BAZ2B: variants seen among roughly 807,000 people sequenced by gnomAD.
The protein encoded by BAZ2B is bromodomain adjacent to zinc finger domain 2B, also known as bromodomain adjacent to zinc finger domain protein 2B.
In BAZ2B, 91 loss-of-function variants were observed where a neutral mutation model predicts 246.0. The observed-to-expected ratio is 0.37, with a 90% CI of 0.31 to 0.44. The LOEUF (loss-of-function observed/expected upper bound fraction) is 0.44. BAZ2B is among the 20% of genes least tolerant of loss of function. The pLI, the probability that BAZ2B is intolerant of heterozygous loss-of-function variation, is 1.00. For missense variants in BAZ2B, 2,332 were observed against 2,533.7 expected, an observed-to-expected ratio of 0.92 and a Z score of 1.71; for synonymous variants, 855 against 860.0, an observed-to-expected ratio of 0.99 and a Z score of 0.10.
rs1558979342 is a variant in BAZ2B at position 159,332,594 on chromosome 2, G to C, written c.5889C>G (p.Pro1963=). Reference sequence around the variant, plus strand: ...CTCCATCTGGGATTGTTGTAATCTTGGGTCTATGGCAGTAGGTATGACAGC... The same window carrying C: ...CTCCATCTGGGATTGTTGTAATCTTCGGTCTATGGCAGTAGGTATGACAGC... The part of the protein sequence containing the change: ...DKGCHTYCHR[P]KITTIPDGDW... Residue 1963 remains proline, a synonymous_variant, in exon 34 of 37, where the codon CCC becomes CCG. Transcript: ENST00000392783. 1.2e-6 allele frequency: 2 copies of C among 1,614,042 alleles called. No homozygotes were observed.
At chr2:159,494,412 TTAC>T (rs1417783811) in intron 2 of BAZ2B, among the ~76,000 whole-genome samples, 7 of 152,186 alleles carry the variant, frequency 4.6e-5, no homozygotes, top group Non-Finnish European at 8.8e-5. Flanking sequence ...ATTAAAATGA[TTAC>T]TACTATATAA....
rs773974307 is a variant in BAZ2B at position 159,385,283 on chromosome 2, G to A, written c.3558C>T (p.Ala1186=). The change falls in exon 23 of 37, where the codon GCC becomes GCT. Residue 1186 remains alanine, a synonymous_variant. Coordinates refer to ENST00000392783, the MANE Select transcript of BAZ2B (RefSeq NM_013450.4). The part of the protein sequence containing the change: ...VSEILQIFME[A]HCGQTELTES... ...CAGTAAGCTCAGTTTGTCCACAGTGGGCTTCCATAAATATCTGTAAAATCT... is the reference window on the plus strand; with the variant it reads ...CAGTAAGCTCAGTTTGTCCACAGTGAGCTTCCATAAATATCTGTAAAATCT... The A allele has an allele frequency of 2.5e-6, 4 of 1,613,336 alleles. No homozygotes were observed. The highest frequency in any genetic ancestry group is 3.3e-5 in the Admixed American group (2 of 59,868).
intron 1 of BAZ2B, among the ~76,000 whole-genome samples, chr2:159,579,727 C>T (rs1431853689): frequency 6.6e-6 from 1 of 152,144 alleles, no homozygotes; most frequent in African/African-American, 2.4e-5. Context: ...AACACGATCA[C>T]ATTGGCTTCA....
At chr2:159,674,135 G>A in the BAZ2B span, among the ~76,000 whole-genome samples, 1 of 151,998 alleles carries the variant, frequency 6.6e-6, no homozygotes, top group African/African-American at 2.4e-5. Flanking sequence ...CTTGAGCCAA[G>A]GAGTTCAAGA....
the BAZ2B span, among the ~76,000 whole-genome samples, chr2:159,636,806 G>A: frequency 5.9e-5 from 9 of 152,264 alleles, no homozygotes; most frequent in African/African-American, 2.2e-4. Context: ...CTTAAGGAGA[G>A]CTAAGAGTAA....
chr2:159,340,313 C>A (rs1395714551), intron 31 of BAZ2B, among the ~76,000 whole-genome samples: 2 of 151,826 alleles, frequency 1.3e-5, no homozygotes, highest in Admixed American at 6.6e-5. Flanking sequence ...AACAAATATT[C>A]CTGTGGGTGT....
intron 2 of BAZ2B, 45 bp from the exon 3 acceptor site, chr2:159,478,766 T>G (rs1041598075): frequency 7.2e-7 from 1 of 1,382,798 alleles, no homozygotes; most frequent in African/African-American, 1.5e-5. Flanking sequence ...GATAAAAAAT[T>G]TTTTCAAAAG....
rs781490317 is a variant in BAZ2B at position 159,397,354 on chromosome 2, CAGA to C, written c.2997_2999del (p.Leu1000del). 6.5e-7 allele frequency: 1 copy of C among 1,550,244 alleles called. No individual in the cohort carries two copies. The highest frequency in any genetic ancestry group is 8.8e-7 in the Non-Finnish European group (1 of 1,136,678). ...CTATACATATACAGACCTGATGTTT[CAGA>C]AGAACAGCTTGTTGTCTTCTCATTT... On this transcript the variant is annotated inframe_deletion, in exon 19 of 37. Coordinates refer to ENST00000392783, the MANE Select transcript of BAZ2B (RefSeq NM_013450.4).
chr2:159,362,094 T>C (rs565655342), intron 27 of BAZ2B, among the ~76,000 whole-genome samples: 1 of 152,008 alleles, frequency 6.6e-6, no homozygotes, highest in South Asian at 2.1e-4. Flanking sequence ...ATCTCAGAAC[T>C]TAAAGTACAA....
chr2:159,479,926 G>A (rs997444514), intron 2 of BAZ2B, among the ~76,000 whole-genome samples: 2 of 152,052 alleles, frequency 1.3e-5, no homozygotes, highest in Admixed American at 6.6e-5. Flanking sequence ...CTGCTATGAT[G>A]AGTCTGTCCA....
At chr2:159,567,443 C>CTAAGG (rs1199002837) in intron 1 of BAZ2B, among the ~76,000 whole-genome samples, 2 of 151,946 alleles carry the variant, frequency 1.3e-5, no homozygotes, top group African/African-American at 4.8e-5. Flanking sequence ...TTACTGAGAC[C>CTAAGG]TAAGGTAAAT....
At chr2:159,398,180 C>G (rs183201750) in intron 18 of BAZ2B, 6 of 152,232 alleles carry the variant, frequency 3.9e-5, no homozygotes, top group South Asian at 2.1e-4. Flanking sequence ...CCAGCTACCC[C>G]CTTTCAGTAT....
the BAZ2B span, among the ~76,000 whole-genome samples, chr2:159,674,443 G>A: frequency 1.3e-5 from 2 of 151,928 alleles, no homozygotes; most frequent in Non-Finnish European, 2.9e-5. Flanking sequence ...GGCTGGGCGC[G>A]GTGGCTCATG....
chr2:159,456,803 T>A (rs1238237169), intron 3 of BAZ2B, among the ~76,000 whole-genome samples: 1 of 152,172 alleles, frequency 6.6e-6, no homozygotes, highest in African/African-American at 2.4e-5. Flanking sequence ...CTATATTTAG[T>A]AAAGTATACT....
At position 159,374,836 on chromosome 2, in the gene BAZ2B, T is replaced by TATGCAAAGTACTAGAAG. The variant is rs371377886; in HGVS notation, c.4006-84_4006-83insCTTCTAGTACTTTGCAT. ...GTAAATATTTAATGAAAGTCTCCTA[T>TATGCAAAGTACTAGAAG]AGGCACTGCGGAAAGGTATTAAGAC... On this transcript the variant is annotated intron_variant, in intron 25 of 36. Coordinates refer to ENST00000392783, the MANE Select transcript of BAZ2B (RefSeq NM_013450.4). The TATGCAAAGTACTAGAAG allele has an allele frequency of 3.4e-3, 4,111 of 1,224,388 alleles. 116 individuals carry two copies. In the African/African-American group the frequency reaches 0.055, roughly 16 times the overall value. The allele number at this position is 1,224,388 out of a possible 1,614,324, so 75.8% of individuals were successfully genotyped here. A position where few individuals can be genotyped will look rare whatever the true frequency, so the allele number is the denominator to read the frequency against.
intron 13 of BAZ2B, among the ~76,000 whole-genome samples, chr2:159,414,690 G>T (rs894571374): frequency 1.7e-4 from 26 of 151,850 alleles, no homozygotes; most frequent in Non-Finnish European, 3.4e-4. Flanking sequence ...GGTGGCGGGT[G>T]CCTGTAGTGC....
chr2:159,664,022 C>T, the BAZ2B span, among the ~76,000 whole-genome samples: 3 of 68,754 alleles, frequency 4.4e-5, no homozygotes, highest in Non-Finnish European at 5.8e-5. Context: ...GCTATCCCTC[C>T]CCCCTCCCCC....
intron 3 of BAZ2B, among the ~76,000 whole-genome samples, chr2:159,467,884 CAT>C (rs2077277987): frequency 6.6e-6 from 1 of 152,150 alleles, no homozygotes; most frequent in South Asian, 2.1e-4. Flanking sequence ...GCCTAAATCA[CAT>C]AGTTATAACT....
chr2:159,350,368 A>C lies in BAZ2B; in HGVS notation c.4214-11T>G, dbSNP rs2058421550. ...CAATTTCTTCTAGTCCTACAAAATGAAAAAGCATTATGAACATCAGTTACT... is the reference window on the plus strand; with the variant it reads ...CAATTTCTTCTAGTCCTACAAAATGCAAAAGCATTATGAACATCAGTTACT... On this transcript the variant is annotated splice_polypyrimidine_tract_variant and intron_variant, in intron 27 of 36. Transcript: ENST00000392783. The C allele has an allele frequency of 6.6e-7, 1 of 1,504,650 alleles. No individual in the cohort carries two copies. Among genetic ancestry groups the C allele is most frequent in the Non-Finnish European group, 8.8e-7 (1 of 1,130,388 alleles). 93.2% of individuals were successfully genotyped at this position (1,504,650 alleles called of 1,614,324 possible).
Sources: gnomAD v4.1 joint callset for allele counts (sites outside exome capture counted in the v4.1 genomes callset) on GRCh38, gnomAD v4.1.1 for gene constraint, MANE v1.5 for transcripts, NCBI Gene and HGNC (gene_info 2026-07-23, HGNC 2026-07-21) for gene names.